The following OSBPL1A variants were observed in gnomAD, a reference collection of about 807,000 sequenced individuals.
OSBPL1A encodes oxysterol binding protein like 1A.
OSBPL1A carries 80 observed loss-of-function variants against 137.1 expected under a neutral mutation model. That is an observed-to-expected ratio of 0.58 (90% CI 0.49 to 0.70). The LOEUF (loss-of-function observed/expected upper bound fraction) is 0.70, where lower values mean the gene tolerates loss of function less well. OSBPL1A is among the 30% of genes least tolerant of loss of function. The pLI is 0.00. For synonymous variants in OSBPL1A, 365 were observed against 389.7 expected (o/e 0.94, Z 0.75); for missense variants, 970 against 1,129.4 (o/e 0.86, Z 2.02).
intron 7 of OSBPL1A, chr18:24,321,656 G>C (rs747907406): frequency 4.3e-5 from 22 of 514,762 alleles, no homozygotes; most frequent in African/African-American, 4.2e-4. Flanking sequence ...AGGAGCACTG[G>C]GTATGTATGA....
chr18:24,200,708 T>A (rs1404872511), intron 17 of OSBPL1A, among the ~76,000 whole-genome samples: 1 of 152,130 alleles, frequency 6.6e-6, no homozygotes, highest in African/African-American at 2.4e-5. Context: ...AGGGTTGTAT[T>A]GTTTCAAGAA....
chr18:24,166,756 G>C, intron 25 of OSBPL1A, 54 bp from the exon 26 acceptor site: 1 of 1,540,056 alleles, frequency 6.5e-7, no homozygotes, highest in Non-Finnish European at 8.8e-7. Context: ...AATGCAAAAT[G>C]AAACATCCTG....
intron 16 of OSBPL1A, among the ~76,000 whole-genome samples, chr18:24,227,642 A>G (rs527536400): frequency 5.8e-4 from 88 of 152,250 alleles, no homozygotes; most frequent in African/African-American, 2.0e-3. Context: ...CACAACGGCA[A>G]ATTTTGAAAC....
chr18:24,324,095 C>T, intron 7 of OSBPL1A, among the ~76,000 whole-genome samples: 1 of 78,342 alleles, frequency 1.3e-5, no homozygotes, highest in African/African-American at 7.0e-5. Context: ...TGGTGGTGAG[C>T]ACTTGTAATC....
intron 15 of OSBPL1A, among the ~76,000 whole-genome samples, chr18:24,278,724 T>A (rs2089896811): frequency 6.6e-6 from 1 of 152,188 alleles, no homozygotes; most frequent in African/African-American, 2.4e-5. Flanking sequence ...AGGTACCACA[T>A]AAGAGACATG....
chr18:24,298,705 C>T (rs1334737245), intron 14 of OSBPL1A, among the ~76,000 whole-genome samples: 3 of 152,214 alleles, frequency 2.0e-5, no homozygotes, highest in African/African-American at 7.2e-5. Flanking sequence ...GATTGGGACC[C>T]CTTTCCTGTA....
chr18:24,269,527 A>G (rs551598502), intron 15 of OSBPL1A, among the ~76,000 whole-genome samples: 8 of 152,312 alleles, frequency 5.3e-5, no homozygotes, highest in African/African-American at 1.9e-4. Flanking sequence ...GTTTCTTATA[A>G]GGTAAACAAT....
In OSBPL1A at chr18:24,271,367, T is replaced by C. The variant is rs1371130387; in HGVS notation, c.1281+9475A>G. On this transcript the variant is annotated intron_variant, in intron 15 of 27. Coordinates refer to ENST00000319481, the MANE Select transcript of OSBPL1A (RefSeq NM_080597.4). This position sits in a 1 kb window ranked among gnomAD's most constrained non-coding sequence, Gnocchi z 4.0. ...GAAACACATCAGTCCACGGGCTTTT[T>C]CCCCAGGGGCTCTTCCTGCAGGAAC... Among the ~76,000 whole-genome samples the C allele has an allele frequency of 1.3e-5, 2 of 152,202 alleles. No individual in the cohort carries two copies. Among genetic ancestry groups the C allele is most frequent in the Admixed American group, 6.5e-5 (1 of 15,284 alleles).
At chr18:24,170,824 G>GT (rs1212543894) in intron 23 of OSBPL1A, among the ~76,000 whole-genome samples, 1 of 152,010 alleles carries the variant, frequency 6.6e-6, no homozygotes, top group Non-Finnish European at 1.5e-5. Context: ...TTAAAAAGAA[G>GT]TTTTTTTGTA....
intron 14 of OSBPL1A, among the ~76,000 whole-genome samples, chr18:24,283,798 A>G (rs2090012537): frequency 6.6e-6 from 1 of 152,164 alleles, no homozygotes; most frequent in Admixed American, 6.5e-5. Flanking sequence ...TCATAAGCTT[A>G]ATCATCCTGT....
At chr18:24,284,963 G>A (rs1444175911) in intron 14 of OSBPL1A, among the ~76,000 whole-genome samples, 2 of 152,196 alleles carry the variant, frequency 1.3e-5, no homozygotes, top group African/African-American at 2.4e-5. Flanking sequence ...AACACTTTGG[G>A]AGGCCAAGGC....
intron 1 of OSBPL1A, among the ~76,000 whole-genome samples, chr18:24,378,450 A>G (rs2146206267): frequency 6.6e-6 from 1 of 152,306 alleles, no homozygotes. Context: ...AGGCAACTCT[A>G]TTTCTAGAAA....
At chr18:24,280,049 T>G (rs1368631222) in intron 15 of OSBPL1A, among the ~76,000 whole-genome samples, 1 of 152,068 alleles carries the variant, frequency 6.6e-6, no homozygotes, top group Non-Finnish European at 1.5e-5. Context: ...CAGGCTCAAG[T>G]GATTCTCTTG....
chr18:24,340,099 C>T (rs1462514509), intron 5 of OSBPL1A, among the ~76,000 whole-genome samples: 1 of 152,142 alleles, frequency 6.6e-6, no homozygotes, highest in Non-Finnish European at 1.5e-5. Context: ...TACCTTTACT[C>T]ATTAAGTAGA....
chr18:24,244,702 C>T (rs1253966442), intron 15 of OSBPL1A, among the ~76,000 whole-genome samples: 4 of 152,166 alleles, frequency 2.6e-5, no homozygotes, highest in African/African-American at 9.7e-5. Context: ...GGCCAGAAGG[C>T]AAAATCCATA....
chr18:24,257,181 A>G (rs1453550267), intron 15 of OSBPL1A, among the ~76,000 whole-genome samples: 14 of 152,116 alleles, frequency 9.2e-5, no homozygotes, highest in Admixed American at 9.2e-4. Flanking sequence ...AAGTATCCTG[A>G]GCAAAAAGAA....
chr18:24,334,000 AG>A (rs1568034845), intron 6 of OSBPL1A, among the ~76,000 whole-genome samples: 1 of 152,124 alleles, frequency 6.6e-6, no homozygotes, highest in Non-Finnish European at 1.5e-5. Flanking sequence ...TCAGGTTTTC[AG>A]GGGGATTAGG....
chr18:24,205,647 G>A (rs1028403617), intron 17 of OSBPL1A, among the ~76,000 whole-genome samples: 2 of 151,962 alleles, frequency 1.3e-5, no homozygotes, highest in Non-Finnish European at 1.5e-5. Context: ...ATAATTTCAG[G>A]GAAAATTTTC....
intron 17 of OSBPL1A, among the ~76,000 whole-genome samples, chr18:24,212,588 C>T (rs1599500472): frequency 6.6e-6 from 1 of 152,250 alleles, no homozygotes; most frequent in East Asian, 1.9e-4. Flanking sequence ...AGTCACACAA[C>T]TCACAGAATC....
Sources: gnomAD v4.1 joint callset for allele counts (sites outside exome capture counted in the v4.1 genomes callset) on GRCh38, gnomAD v4.1.1 for gene constraint, Gnocchi (gnomAD v3.1) non-coding constraint, MANE v1.5 for transcripts, NCBI Gene and HGNC (gene_info 2026-07-23, HGNC 2026-07-21) for gene names.